The following USH2A variants were observed in gnomAD, a reference collection of about 807,000 sequenced individuals.
USH2A encodes Usher syndrome 2A (autosomal recessive, mild).
In USH2A, 443 loss-of-function variants were observed where a neutral mutation model predicts 538.9. The ratio of observed to expected loss-of-function variants is 0.82; its 90% confidence interval spans 0.76 to 0.89. The LOEUF is 0.89. USH2A is among the 40% of genes least tolerant of loss of function. USH2A has a pLI of 0.00. For missense variants in USH2A, 6,633 were observed against 6,324.8 expected (o/e 1.05, Z -1.65); for synonymous variants, 2,413 against 2,273.5 (o/e 1.06, Z -1.75).
intron 9 of USH2A, among the ~76,000 whole-genome samples, chr1:216,304,395 C>T (rs142589227): frequency 1.2e-3 from 176 of 152,084 alleles, no homozygotes; most frequent in African/African-American, 3.9e-3. Flanking sequence ...GAACTAGGCA[C>T]TTATCTAGCA....
chr1:215,727,459 G>C (rs901172904), intron 61 of USH2A, among the ~76,000 whole-genome samples: 2 of 152,154 alleles, frequency 1.3e-5, no homozygotes, highest in African/African-American at 4.8e-5. Context: ...AGGCGCAGTG[G>C]CTTACGCCTG....
At chr1:216,144,153 T>C (rs594799) in intron 21 of USH2A, among the ~76,000 whole-genome samples, 129,453 of 152,182 alleles carry the variant, frequency 0.85, 55,165 homozygotes, top group East Asian at 0.98. Flanking sequence ...ACATGTTATG[T>C]AATGAGAAAA....
intron 58 of USH2A, among the ~76,000 whole-genome samples, chr1:215,744,492 T>C (rs1186551546): frequency 6.6e-6 from 1 of 152,088 alleles, no homozygotes; most frequent in Admixed American, 6.6e-5. Flanking sequence ...GATCTGAGAG[T>C]TTTTAACATT....
chr1:216,349,639 C>T (rs772749866), intron 4 of USH2A, among the ~76,000 whole-genome samples: 1 of 152,140 alleles, frequency 6.6e-6, no homozygotes, highest in Non-Finnish European at 1.5e-5. Context: ...CAGGAAGTTA[C>T]CGTATATGGC....
chr1:216,015,294 G>A (rs1056622862), intron 32 of USH2A, among the ~76,000 whole-genome samples: 1 of 152,164 alleles, frequency 6.6e-6, no homozygotes, highest in Admixed American at 6.5e-5. Flanking sequence ...GAAAAGCAAT[G>A]AGCTGCGCCA....
intron 55 of USH2A, among the ~76,000 whole-genome samples, chr1:215,773,524 C>G (rs562577123): frequency 5.4e-5 from 8 of 148,858 alleles, no homozygotes; most frequent in African/African-American, 2.0e-4. Flanking sequence ...CTCTCTCTCT[C>G]TCTCTCTCTG....
intron 11 of USH2A, among the ~76,000 whole-genome samples, chr1:216,277,954 G>A (rs1300693934): frequency 6.6e-6 from 1 of 152,064 alleles, no homozygotes; most frequent in African/African-American, 2.4e-5. Flanking sequence ...AGCAACAAAT[G>A]AGCCTGTATA....
At chr1:216,115,390 C>T (rs1040958681) in intron 21 of USH2A, among the ~76,000 whole-genome samples, 1 of 152,180 alleles carries the variant, frequency 6.6e-6, no homozygotes, top group African/African-American at 2.4e-5. Flanking sequence ...AGCAATTCTC[C>T]CTCTTCAGCT....
intron 4 of USH2A, among the ~76,000 whole-genome samples, chr1:216,360,500 C>G (rs1558053902): frequency 6.6e-6 from 1 of 151,888 alleles, no homozygotes; most frequent in African/African-American, 2.4e-5. Flanking sequence ...TGTACAACAC[C>G]AAGAGTGAAC....
chr1:215,847,043 C>T (rs1663869230), intron 44 of USH2A, among the ~76,000 whole-genome samples: 1 of 152,200 alleles, frequency 6.6e-6, no homozygotes, highest in Admixed American at 6.5e-5. Flanking sequence ...CAATCACTAA[C>T]TGTCTTGCAA....
At chr1:216,222,070 G>A (rs1572063945) in intron 14 of USH2A, among the ~76,000 whole-genome samples, 1 of 152,148 alleles carries the variant, frequency 6.6e-6, no homozygotes, top group Non-Finnish European at 1.5e-5. Context: ...GGTGATTTAC[G>A]CAGAGAAATG....
chr1:215,836,344 G>T (rs1217896112), intron 47 of USH2A, among the ~76,000 whole-genome samples: 1 of 145,228 alleles, frequency 6.9e-6, no homozygotes, highest in African/African-American at 2.5e-5. Flanking sequence ...TTTTTACATT[G>T]TTCTATAAAC....
At position 216,250,935 on chromosome 1, in the gene USH2A, G is replaced by A. The variant is rs575411062; in HGVS notation, c.2135C>T (p.Ser712Leu). 1.2e-6 allele frequency: 2 copies of A among 1,613,998 alleles called. No homozygotes were observed. Among genetic ancestry groups the A allele is most frequent in the African/African-American group, 2.7e-5 (2 of 75,034 alleles). The change falls in exon 12 of 72, where the codon TCA becomes TTA. Residue 712 changes from serine (S) to leucine (L), a missense_variant. Physicochemically the swap from Ser to Leu is moderately radical, Grantham distance 145. Coordinates refer to ENST00000307340, the MANE Select transcript of USH2A (RefSeq NM_206933.4). ...GTTTGCTTTGCACTTGCACTGGCCTGAATTTTGGTGACAGGTAATATCTCC... is the reference window on the plus strand; with the variant it reads ...GTTTGCTTTGCACTTGCACTGGCCTAAATTTTGGTGACAGGTAATATCTCC... Reference protein sequence around the residue: ...VDGDITCHQNSGQCKCKANVI... With the variant: ...VDGDITCHQNLGQCKCKANVI...
intron 58 of USH2A, among the ~76,000 whole-genome samples, chr1:215,755,367 TTA>T (rs1253925280): frequency 6.6e-6 from 1 of 152,204 alleles, no homozygotes; most frequent in Non-Finnish European, 1.5e-5. Context: ...AGAAAACTCT[TTA>T]TATTGTGAGC....
At chr1:216,335,195 C>T (rs1484984760) in intron 4 of USH2A, among the ~76,000 whole-genome samples, 2 of 151,542 alleles carry the variant, frequency 1.3e-5, no homozygotes, top group African/African-American at 4.8e-5. Flanking sequence ...TTCCTAATAA[C>T]TAATGATCAA....
At chr1:215,946,900 C>A (rs1300894708) in intron 37 of USH2A, among the ~76,000 whole-genome samples, 1 of 151,976 alleles carries the variant, frequency 6.6e-6, no homozygotes, top group Non-Finnish European at 1.5e-5. Flanking sequence ...GATAAAAAAT[C>A]TAAATTGAAA....
At chr1:215,702,820 T>C (rs1020279821) in intron 61 of USH2A, among the ~76,000 whole-genome samples, 1 of 152,030 alleles carries the variant, frequency 6.6e-6, no homozygotes, top group Non-Finnish European at 1.5e-5. Context: ...TCTGTCAGTT[T>C]GTCGAAGTCA....
At chr1:215,916,199 A>T (rs1027497027) in intron 38 of USH2A, among the ~76,000 whole-genome samples, 9 of 151,922 alleles carry the variant, frequency 5.9e-5, no homozygotes, top group African/African-American at 1.9e-4. Context: ...ATAATAAAAT[A>T]AAAAAAAGAA....
chr1:215,677,543 C>A (rs964743379), intron 62 of USH2A, among the ~76,000 whole-genome samples: 1 of 152,156 alleles, frequency 6.6e-6, no homozygotes, highest in Non-Finnish European at 1.5e-5. Flanking sequence ...TGCATACTCT[C>A]CTTGTCGAGA....
Sources: allele counts gnomAD v4.1 joint callset (sites outside exome capture counted in the v4.1 genomes callset), GRCh38; gene constraint gnomAD v4.1.1; transcripts MANE v1.5; gene names NCBI Gene and HGNC (gene_info 2026-07-23, HGNC 2026-07-21).